NARF: variants seen among roughly 807,000 people sequenced by gnomAD.
NARF encodes the protein iron-only hydrogenase-like protein 2.
In NARF, 41 loss-of-function variants were observed where a neutral mutation model predicts 48.0. The ratio of observed to expected loss-of-function variants is 0.85; its 90% confidence interval spans 0.66 to 1.11. The LOEUF (loss-of-function observed/expected upper bound fraction) is 1.11, where lower values mean the gene tolerates loss of function less well. Among genes scored for constraint, NARF ranks in the 50% least tolerant of loss-of-function variants. The pLI is 0.00. For synonymous variants in NARF, 215 were observed against 225.5 expected, an observed-to-expected ratio of 0.95 and a Z score of 0.42; for missense variants, 613 against 590.2, an observed-to-expected ratio of 1.04 and a Z score of -0.40.
intron 5 of NARF, 166 bp from the exon 6 acceptor site, chr17:82,478,634 C>T (rs1383988208): frequency 4.1e-6 from 3 of 731,518 alleles, no homozygotes; most frequent in Admixed American, 2.0e-5. Flanking sequence ...GCCGGGCCAC[C>T]GAGGACGGGT....
In NARF at chr17:82,488,250, C is replaced by T. The variant is rs1439755902; in HGVS notation, c.*93C>T. ...TGCCCTGAGTGGAGTATTAAAGACA[C>T]TTAAGAAAACCGCTCAATGGATTAC... On this transcript the variant is annotated 3_prime_UTR_variant, in exon 11 of 11. Coordinates refer to ENST00000309794, the MANE Select transcript of NARF (RefSeq NM_012336.4). 2.3e-5 allele frequency: 35 copies of T among 1,508,192 alleles called. No homozygotes were observed. Among genetic ancestry groups the T allele is most frequent in the Non-Finnish European group, 3.0e-5 (34 of 1,131,128 alleles). The allele number at this position is 1,508,192 out of a possible 1,614,324, so 93.4% of individuals were successfully genotyped here. A position where few individuals can be genotyped will look rare whatever the true frequency, so the allele number is the denominator to read the frequency against.
chr17:82,463,334 G>T (rs577391513), intron 2 of NARF: 2 of 152,344 alleles, frequency 1.3e-5, no homozygotes, highest in South Asian at 2.1e-4. Flanking sequence ...AAGAGAACAA[G>T]ACAGTGTTCA....
At chr17:82,486,542 G>A (rs1164808859) in intron 10 of NARF, among the ~76,000 whole-genome samples, 1 of 152,226 alleles carries the variant, frequency 6.6e-6, no homozygotes, top group Non-Finnish European at 1.5e-5. Flanking sequence ...ACTGACAAGA[G>A]GAGGGTGAGG....
intron 4 of NARF, among the ~76,000 whole-genome samples, chr17:82,470,220 C>T (rs1226348293): frequency 6.6e-6 from 1 of 152,152 alleles, no homozygotes; most frequent in Non-Finnish European, 1.5e-5. Flanking sequence ...TCTAACAAGA[C>T]CTGGTCATCT....
chr17:82,472,642 A>G lies in NARF; in HGVS notation c.464A>G (p.Tyr155Cys). The change falls in exon 5 of 11, where the codon TAT becomes TGT. Residue 155 changes from tyrosine to cysteine, a missense_variant. Transcript: ENST00000309794. Reference protein sequence around the residue: ...LESQKEFVRRYRQHSEEERTL... With the variant: ...LESQKEFVRRCRQHSEEERTL... ...AGTCAAAAAGAATTCGTGCGTCGCT[A>G]TCGCCAGCACAGTGAGGAGGAACGC... 6.2e-7 allele frequency: 1 copy of G among 1,614,054 alleles called. No individual in the cohort carries two copies. Among genetic ancestry groups the G allele is most frequent in the Non-Finnish European group, 8.5e-7 (1 of 1,179,970 alleles).
chr17:82,459,840 G>T, intron 1 of NARF, 152 bp from the exon 2 acceptor site: 2 of 599,428 alleles, frequency 3.3e-6, no homozygotes, highest in Admixed American at 3.2e-5. Context: ...CTGCACTCCA[G>T]CCTGGGTGAG....
intron 4 of NARF, 104 bp downstream of exon 4, chr17:82,469,000 T>C: frequency 7.7e-7 from 1 of 1,305,594 alleles, no homozygotes; most frequent in Non-Finnish European, 1.1e-6. Context: ...GATAAGCAAC[T>C]TCCAAAAGAG....
Position 82,481,184 on chromosome 17 carries a change from C to T in NARF, c.742C>T (p.Arg248Trp), listed in dbSNP as rs150442361. 2.4e-5 allele frequency: 38 copies of T among 1,613,978 alleles called. No homozygotes were observed. The African/African-American group carries it at 2.5e-4, about 11-fold the overall frequency. The change falls in exon 7 of 11, where the codon CGG becomes TGG. Residue 248 changes from arginine (R) to tryptophan (W), a missense_variant. Arg to Trp is a moderately radical substitution (Grantham distance 101). Coordinates refer to ENST00000309794, the MANE Select transcript of NARF (RefSeq NM_012336.4). ...ESLPPALHGSRGADCVLTSGE... is the reference protein window; with the variant it reads ...ESLPPALHGSWGADCVLTSGE... Reference sequence around the variant, plus strand: ...CCTTCCCCCTGCTTTGCATGGCTCCCGGGGCGCTGACTGCGTGTTAACATC... The same window carrying T: ...CCTTCCCCCTGCTTTGCATGGCTCCTGGGGCGCTGACTGCGTGTTAACATC...
At chr17:82,487,887 G>A (rs1181847208) in intron 10 of NARF, 29 bp from the exon 11 acceptor site, 1 of 1,609,738 alleles carries the variant, frequency 6.2e-7, no homozygotes, top group South Asian at 1.1e-5. Flanking sequence ...CCTGAGCCCA[G>A]GATAAACTTA....
intron 2 of NARF, 41 bp from the exon 3 acceptor site, chr17:82,464,246 G>T (rs762443654): frequency 1.6e-5 from 26 of 1,602,044 alleles, no homozygotes; most frequent in Admixed American, 5.1e-5. Flanking sequence ...ACATTAAAGA[G>T]TATTTGTTGA....
At chr17:82,485,776 T>G (rs2044083026) in intron 10 of NARF, 122 bp downstream of exon 10, 5 of 1,141,872 alleles carry the variant, frequency 4.4e-6, no homozygotes, top group Non-Finnish European at 6.2e-6. Flanking sequence ...CCTGAGAGCT[T>G]TGTAGGGTAT....
chr17:82,460,915 A>ATTTTTTTTTTTTTTTTT (rs137987200), intron 2 of NARF: 2 of 149,622 alleles, frequency 1.3e-5, no homozygotes, highest in African/African-American at 5.0e-5. Flanking sequence ...TCTTCTTTTA[A>ATTTTTTTTTTTTTTTTT]TTTTTTTTTT....
At position 82,459,052 on chromosome 17, in the gene NARF, C is replaced by T. The variant is rs1182010236; in HGVS notation, c.27+222C>T. The T allele has an allele frequency of 6.6e-6, 8 of 1,204,610 alleles. No individual in the cohort carries two copies. In the South Asian group the frequency reaches 1.7e-4, roughly 26 times the overall value. The allele number at this position is 1,204,610 out of a possible 1,614,324, so 74.6% of individuals were successfully genotyped here. The stretch of plus-strand genomic sequence containing the variant: ...CTTCGCGGTTCTCCCTGAACTTGTC[C>T]ATCTTTCCCACGCCCGCGAAGCGCG... On this transcript the variant is annotated intron_variant, in intron 1 of 10. Coordinates refer to ENST00000309794, the MANE Select transcript of NARF (RefSeq NM_012336.4).
intron 6 of NARF, chr17:82,480,646 C>T (rs1417458452): frequency 4.7e-6 from 2 of 424,402 alleles, no homozygotes; most frequent in Admixed American, 3.9e-5. Context: ...GAAAGTGCTG[C>T]ATGCAGCCAG....
At chr17:82,471,637 A>C (rs1308506304) in intron 4 of NARF, among the ~76,000 whole-genome samples, 1 of 144,256 alleles carries the variant, frequency 6.9e-6, no homozygotes, top group East Asian at 2.1e-4. Context: ...CTAAAAATAC[A>C]AAAAATTAGC....
At chr17:82,469,706 A>G (rs2043653608) in intron 4 of NARF, among the ~76,000 whole-genome samples, 1 of 152,068 alleles carries the variant, frequency 6.6e-6, no homozygotes, top group Non-Finnish European at 1.5e-5. Context: ...CCCGGGTTCA[A>G]GAGATTCTCC....
chr17:82,480,394 C>A, intron 6 of NARF: 1 of 401,728 alleles, frequency 2.5e-6, no homozygotes, highest in Non-Finnish European at 4.4e-6. Context: ...TTGTTTTGTC[C>A]CCATGTGCAC....
chr17:82,486,276 CT>C (rs966039126), intron 10 of NARF, among the ~76,000 whole-genome samples: 2 of 152,178 alleles, frequency 1.3e-5, no homozygotes, highest in South Asian at 2.1e-4. Flanking sequence ...CCCTCTGCCC[CT>C]GACCCATGGT....
intron 10 of NARF, 25 bp downstream of exon 10, chr17:82,485,679 G>T (rs9890801): frequency 0.03 from 47,784 of 1,612,356 alleles, 925 homozygotes; most frequent in South Asian, 0.073. Flanking sequence ...GCAGCACCTG[G>T]CTCTGTCTCC....
Sources: gnomAD v4.1 joint callset for allele counts (sites outside exome capture counted in the v4.1 genomes callset) on GRCh38, gnomAD v4.1.1 for gene constraint, MANE v1.5 for transcripts, NCBI Gene and HGNC (gene_info 2026-07-23, HGNC 2026-07-21) for gene names.